LOC128092252: variants seen among roughly 807,000 people sequenced by gnomAD.
chr15:50,672,820 G>C, the LOC128092252 span, among the ~76,000 whole-genome samples: 2 of 129,328 alleles, frequency 1.5e-5, no homozygotes, highest in Non-Finnish European at 3.1e-5. Flanking sequence ...TGAGGCAGGA[G>C]AATCGCTTGA....
At chr15:50,677,519 T>G in the LOC128092252 span, among the ~76,000 whole-genome samples, 1 of 151,628 alleles carries the variant, frequency 6.6e-6, no homozygotes, top group Non-Finnish European at 1.5e-5. Flanking sequence ...GGCAGGCGGA[T>G]CGCAAGGTCA....
chr15:50,648,933 A>C, the LOC128092252 span: 5 of 1,464,194 alleles, frequency 3.4e-6, no homozygotes, highest in Non-Finnish European at 4.6e-6. Context: ...AATTAGAGTT[A>C]ATGAAAAAAT....
the LOC128092252 span, among the ~76,000 whole-genome samples, chr15:50,656,349 G>A: frequency 1.3e-5 from 2 of 152,012 alleles, no homozygotes; most frequent in Non-Finnish European, 2.9e-5. Flanking sequence ...GCCCAGGCAG[G>A]AGTGCAGTGG....
chr15:50,678,885 T>A, the LOC128092252 span, among the ~76,000 whole-genome samples: 142 of 151,636 alleles, frequency 9.4e-4, no homozygotes, highest in African/African-American at 3.0e-3. Context: ...AAAAAAAAAA[T>A]TTTTTTGAGA....
chr15:50,673,640 A>G, the LOC128092252 span, among the ~76,000 whole-genome samples: 1 of 152,056 alleles, frequency 6.6e-6, no homozygotes, highest in Non-Finnish European at 1.5e-5. Flanking sequence ...CCTCGTATAT[A>G]TATATATATA....
At chr15:50,674,614 T>C in the LOC128092252 span, among the ~76,000 whole-genome samples, 1 of 152,218 alleles carries the variant, frequency 6.6e-6, no homozygotes, top group Non-Finnish European at 1.5e-5. Flanking sequence ...ATTAACTCTA[T>C]TTACATTTAC....
At chr15:50,679,751 T>C in the LOC128092252 span, among the ~76,000 whole-genome samples, 2 of 150,306 alleles carry the variant, frequency 1.3e-5, no homozygotes, top group Admixed American at 6.6e-5. Context: ...GCCAGGCTGG[T>C]CTCAAACTCC....
the LOC128092252 span, among the ~76,000 whole-genome samples, chr15:50,680,244 A>T: frequency 1.4e-4 from 22 of 152,072 alleles, no homozygotes; most frequent in African/African-American, 5.3e-4. Context: ...AAAAAATATA[A>T]AAATAAAAAT....
the LOC128092252 span, among the ~76,000 whole-genome samples, chr15:50,661,482 G>T: frequency 2.0e-5 from 3 of 152,088 alleles, no homozygotes; most frequent in South Asian, 6.2e-4. Context: ...TTTTTTAAAT[G>T]TATCATATAC....
At chr15:50,661,399 C>A in the LOC128092252 span, among the ~76,000 whole-genome samples, 1 of 152,064 alleles carries the variant, frequency 6.6e-6, no homozygotes, top group African/African-American at 2.4e-5. Context: ...AATAAAGCCA[C>A]CAAATGTTAT....
chr15:50,683,371 T>G, the LOC128092252 span, among the ~76,000 whole-genome samples: 1 of 151,458 alleles, frequency 6.6e-6, no homozygotes, highest in Non-Finnish European at 1.5e-5. Context: ...GAATAACATA[T>G]GGGGAACTTC....
the LOC128092252 span, among the ~76,000 whole-genome samples, chr15:50,664,241 C>T: frequency 6.4e-5 from 9 of 141,092 alleles, 1 homozygote; most frequent in Non-Finnish European, 6.0e-5. Flanking sequence ...ACCAGGGAGT[C>T]GGAGGTTGCA....
chr15:50,671,022 C>A, the LOC128092252 span, among the ~76,000 whole-genome samples: 1 of 152,076 alleles, frequency 6.6e-6, no homozygotes, highest in Non-Finnish European at 1.5e-5. Context: ...CTAAATCGAG[C>A]TAATTATCAT....
chr15:50,677,788 G>C, the LOC128092252 span, among the ~76,000 whole-genome samples: 1 of 134,632 alleles, frequency 7.4e-6, no homozygotes, highest in African/African-American at 2.8e-5. Flanking sequence ...CCTCTACTAA[G>C]TAACAATCCC....
chr15:50,659,543 G>A, the LOC128092252 span, among the ~76,000 whole-genome samples: 1 of 152,088 alleles, frequency 6.6e-6, no homozygotes, highest in South Asian at 2.1e-4. Flanking sequence ...TCTCATGAAT[G>A]GTTAAAGGTG....
the LOC128092252 span, among the ~76,000 whole-genome samples, chr15:50,664,777 C>G: frequency 6.6e-6 from 1 of 152,014 alleles, no homozygotes; most frequent in African/African-American, 2.4e-5. Context: ...CTGGGTAACA[C>G]AGTGAGACTC....
chr15:50,656,267 CA>C, the LOC128092252 span, among the ~76,000 whole-genome samples: 17 of 151,884 alleles, frequency 1.1e-4, no homozygotes, highest in African/African-American at 3.4e-4. Context: ...TGGTTAAGTA[CA>C]GGGGCAAATA....
the LOC128092252 span, among the ~76,000 whole-genome samples, chr15:50,676,720 T>C: frequency 1.3e-5 from 2 of 152,138 alleles, no homozygotes; most frequent in African/African-American, 4.8e-5. Flanking sequence ...GTCCCCATCC[T>C]ATGCCTAGTG....
the LOC128092252 span, among the ~76,000 whole-genome samples, chr15:50,671,503 C>T: frequency 0.014 from 2,117 of 152,208 alleles, 42 homozygotes; most frequent in Non-Finnish European, 0.017. Context: ...TATAATGGAC[C>T]TGAAAAATTC....
Sources: allele counts gnomAD v4.1 joint callset (sites outside exome capture counted in the v4.1 genomes callset), GRCh38; gene constraint gnomAD v4.1.1; transcripts MANE v1.5.